GTF2A1: variants seen among roughly 807,000 people sequenced by gnomAD.
The protein encoded by GTF2A1 is general transcription factor IIA subunit 1.
GTF2A1 carries 12 observed loss-of-function variants against 54.1 expected under a neutral mutation model. The ratio of observed to expected loss-of-function variants is 0.22; its 90% CI spans 0.14 to 0.36. GTF2A1 has a LOEUF of 0.36. Ranked by LOEUF, GTF2A1 falls within the 10% of genes least tolerant of loss-of-function variation. GTF2A1 has a pLI of 1.00. For synonymous variants in GTF2A1, 145 were observed against 152.0 expected, an observed-to-expected ratio of 0.95 and a Z score of 0.34; for missense variants, 335 against 442.2, an observed-to-expected ratio of 0.76 and a Z score of 2.17.
At chr14:81,219,518 G>GA (rs1893563422) in intron 1 of GTF2A1, among the ~76,000 whole-genome samples, 3 of 152,352 alleles carry the variant, frequency 2.0e-5, no homozygotes, top group Admixed American at 2.0e-4. Context: ...CTCAGGGACT[G>GA]AAAAGCAGGG....
intron 2 of GTF2A1, among the ~76,000 whole-genome samples, chr14:81,207,544 G>T (rs1422507500): frequency 6.6e-6 from 1 of 152,124 alleles, no homozygotes; most frequent in Non-Finnish European, 1.5e-5. Context: ...TAGAGTCAGG[G>T]CATTGCTGAA....
intron 7 of GTF2A1, among the ~76,000 whole-genome samples, chr14:81,192,298 TTTA>T (rs1335034060): frequency 2.6e-5 from 4 of 152,330 alleles, no homozygotes; most frequent in East Asian, 3.9e-4. Context: ...TTATACATTT[TTTA>T]TTACCAGCTA....
Position 81,197,472 on chromosome 14 carries a change from TAGC to T in GTF2A1, c.412_414del (p.Ala138del). 2 of 1,577,534 alleles carry T rather than the reference TAGC, an allele frequency of 1.3e-6. No homozygotes were observed. The highest frequency in any genetic ancestry group is 1.7e-6 in the Non-Finnish European group (2 of 1,153,528). ...GCAGGGAGTGCTAAGGTAGCAGCTGTAGCAGCAGCACTCTGAAAAAAACAAAGA... is the reference window on the plus strand; with the variant it reads ...GCAGGGAGTGCTAAGGTAGCAGCTGTAGCAGCACTCTGAAAAAAACAAAGA... On this transcript the variant is annotated inframe_deletion, in exon 5 of 9. Transcript: ENST00000553612.
intron 2 of GTF2A1, among the ~76,000 whole-genome samples, chr14:81,207,921 G>A (rs1893277426): frequency 6.6e-6 from 1 of 152,222 alleles, no homozygotes; most frequent in African/African-American, 2.4e-5. Flanking sequence ...AAGGTGACTT[G>A]GGTGCTGTTA....
chr14:81,184,405 A>G (rs1892698783), intron 8 of GTF2A1, among the ~76,000 whole-genome samples: 1 of 152,162 alleles, frequency 6.6e-6, no homozygotes, highest in Non-Finnish European at 1.5e-5. Flanking sequence ...CATTTATTAT[A>G]CTGCACATGG....
intron 6 of GTF2A1, among the ~76,000 whole-genome samples, chr14:81,194,339 G>T (rs544672496): frequency 1.3e-5 from 2 of 152,326 alleles, no homozygotes; most frequent in Admixed American, 6.5e-5. Context: ...GCAAAAACCA[G>T]TCCCTGGTGT....
Position 81,201,627 on chromosome 14 carries a change from A to C in GTF2A1, c.369T>G (p.Ser123=). The change falls in exon 4 of 9, where the codon TCT becomes TCG. Residue 123 remains serine (S), a synonymous_variant. Coordinates refer to ENST00000553612, the MANE Select transcript of GTF2A1 (RefSeq NM_015859.4). ...ATGCATTCATATGCTGTATCAACTT[A>C]GAATCTGGAACAATAACTTGTGGTG... ...ATAPQVIVPD[S]KLIQHMNASN... 6.2e-7 allele frequency: 1 copy of C among 1,610,720 alleles called. No homozygotes were observed. Among genetic ancestry groups the C allele is most frequent in the Non-Finnish European group, 8.5e-7 (1 of 1,176,914 alleles).
At chr14:81,206,674 C>T (rs1259864344) in intron 2 of GTF2A1, among the ~76,000 whole-genome samples, 2 of 152,252 alleles carry the variant, frequency 1.3e-5, no homozygotes, top group East Asian at 1.9e-4. Context: ...AAGTGAGAAC[C>T]GCTTTAAAAT....
intron 2 of GTF2A1, among the ~76,000 whole-genome samples, chr14:81,212,334 C>T (rs1893389483): frequency 6.6e-6 from 1 of 152,156 alleles, no homozygotes; most frequent in Non-Finnish European, 1.5e-5. Flanking sequence ...TTCCCACCCA[C>T]AGACACTCAC....
At position 81,203,977 on chromosome 14, in the gene GTF2A1, T is replaced by C. The variant is rs1372784951; in HGVS notation, c.260A>G (p.His87Arg). The C allele has an allele frequency of 8.7e-6, 14 of 1,614,064 alleles. No individual in the cohort carries two copies. The East Asian group carries it at 8.9e-5, about 10-fold the overall frequency. Residue 87 changes from histidine to arginine, a missense_variant, in exon 3 of 9, where the codon CAT becomes CGT. Physicochemically the swap from His to Arg is conservative, Grantham distance 29 (BLOSUM62 0). Coordinates refer to ENST00000553612, the MANE Select transcript of GTF2A1 (RefSeq NM_015859.4). ...QQQQHHHHHH[H>R]QQAQPQQTVP... ...TGTCTGCTGAGGCTGAGCTTGCTGATGATGGTGATGGTGGTGATGCTGCTG... is the reference window on the plus strand; with the variant it reads ...TGTCTGCTGAGGCTGAGCTTGCTGACGATGGTGATGGTGGTGATGCTGCTG...
intron 8 of GTF2A1, among the ~76,000 whole-genome samples, chr14:81,181,329 A>T (rs1892633694): frequency 6.7e-6 from 1 of 149,350 alleles, no homozygotes; most frequent in South Asian, 2.1e-4. Context: ...CTATTCTATG[A>T]TCTAAAGGTA....
chr14:81,215,119 A>C (rs1851977223), intron 2 of GTF2A1, among the ~76,000 whole-genome samples: 1 of 152,246 alleles, frequency 6.6e-6, no homozygotes, highest in South Asian at 2.1e-4. Flanking sequence ...CAGAAAATAC[A>C]AGTTCAGTGA....
chr14:81,180,482 T>C (rs770779735), intron 8 of GTF2A1, 152 bp from the exon 9 acceptor site: 2 of 491,298 alleles, frequency 4.1e-6, no homozygotes, highest in Admixed American at 7.6e-5. Context: ...TTTGTTTTTG[T>C]AGAAGAAGGG....
In GTF2A1 at chr14:81,220,700, G is replaced by A. The variant is rs1157130554; in HGVS notation, c.-182C>T. On this transcript the variant is annotated 5_prime_UTR_variant, in exon 1 of 9. Transcript: ENST00000553612. ...GAGCGGAGAGAGGAGGAGGAGGGGGGCACTCCTCCCGCAGCTGAAAACCTC... is the reference window on the plus strand; with the variant it reads ...GAGCGGAGAGAGGAGGAGGAGGGGGACACTCCTCCCGCAGCTGAAAACCTC... 6.6e-6 allele frequency: 2 copies of A among 304,864 alleles called. No homozygotes were observed. The highest frequency in any genetic ancestry group is 1.2e-5 in the Non-Finnish European group (2 of 167,634). The allele number at this position is 304,864 out of a possible 1,614,324, so 18.9% of individuals were successfully genotyped here. A position where few individuals can be genotyped will look rare whatever the true frequency, so the allele number is the denominator to read the frequency against.
chr14:81,201,225 C>T lies in GTF2A1; in HGVS notation c.402+369G>A, dbSNP rs962073186. On this transcript the variant is annotated intron_variant, in intron 4 of 8. Coordinates refer to ENST00000553612, the MANE Select transcript of GTF2A1 (RefSeq NM_015859.4). ...TATACTGAACTATCCAGTCTATCTT[C>T]ATTTTTTAAAAGTTCACAATTCTTA... Among the ~76,000 whole-genome samples the T allele has an allele frequency of 5.9e-5, 9 of 152,110 alleles. No homozygotes were observed. The South Asian group carries it at 1.7e-3, about 28-fold the overall frequency.
chr14:81,186,342 C>G (rs1434699981), intron 7 of GTF2A1, among the ~76,000 whole-genome samples: 2 of 152,188 alleles, frequency 1.3e-5, no homozygotes, highest in African/African-American at 2.4e-5. Context: ...AATAGGCTAG[C>G]AGTCTGCCTT....
At chr14:81,209,233 T>C (rs959424004) in intron 2 of GTF2A1, among the ~76,000 whole-genome samples, 5 of 152,180 alleles carry the variant, frequency 3.3e-5, no homozygotes, top group African/African-American at 1.2e-4. Flanking sequence ...TCCCATACTA[T>C]TCTTGTGATA....
At chr14:81,196,592 G>C (rs1263115029) in intron 5 of GTF2A1, among the ~76,000 whole-genome samples, 1 of 152,160 alleles carries the variant, frequency 6.6e-6, no homozygotes, top group Non-Finnish European at 1.5e-5. Flanking sequence ...TTCGGGAGCT[G>C]TTCATTTTTA....
chr14:81,187,620 G>A (rs1024707523), intron 7 of GTF2A1, among the ~76,000 whole-genome samples: 10 of 152,142 alleles, frequency 6.6e-5, no homozygotes, highest in Admixed American at 6.6e-5. Flanking sequence ...AATATGTGGC[G>A]TTGTGTGGCT....
Sources: allele counts gnomAD v4.1 joint callset (sites outside exome capture counted in the v4.1 genomes callset), GRCh38; gene constraint gnomAD v4.1.1; transcripts MANE v1.5; gene names NCBI Gene and HGNC (gene_info 2026-07-23, HGNC 2026-07-21).